Variants in ATP8A1 observed in about 807,000 individuals in gnomAD.
The protein encoded by ATP8A1 is ATPase phospholipid transporting 8A1.
In ATP8A1, 90 loss-of-function variants were observed where a neutral mutation model predicts 177.7. That is an observed-to-expected ratio of 0.51 (90% CI 0.43 to 0.60). The LOEUF is 0.60. ATP8A1 is among the 20% of genes least tolerant of loss of function. The pLI is 0.00. For synonymous variants in ATP8A1, 493 were observed against 485.9 expected (o/e 1.01, Z -0.19); for missense variants, 1,072 against 1,392.8 (o/e 0.77, Z 3.67).
intron 12 of ATP8A1, among the ~76,000 whole-genome samples, chr4:42,577,128 C>T (rs1311544992): frequency 6.6e-6 from 1 of 152,106 alleles, no homozygotes; most frequent in Non-Finnish European, 1.5e-5. Flanking sequence ...CTGGGTTCAT[C>T]CAATACTAAA....
intron 20 of ATP8A1, among the ~76,000 whole-genome samples, chr4:42,535,377 T>C (rs1410776946): frequency 6.6e-6 from 1 of 152,160 alleles, no homozygotes; most frequent in Non-Finnish European, 1.5e-5. Context: ...AGGGACATTA[T>C]ATAATGACAA....
In ATP8A1 at chr4:42,656,918, T is replaced by C. The variant is rs1407259325; in HGVS notation, c.-45A>G. The C allele has an allele frequency of 2.0e-6, 3 of 1,499,644 alleles. No individual in the cohort carries two copies. The highest frequency in any genetic ancestry group is 2.7e-6 in the Non-Finnish European group (3 of 1,115,026). 92.9% of individuals were successfully genotyped at this position (1,499,644 alleles called of 1,614,324 possible). Reference sequence around the variant, plus strand: ...GGGTCCTCAGCCCGGACTCTGCACCTGTCACGGCGTGGTACACGCGGGAGA... The same window carrying C: ...GGGTCCTCAGCCCGGACTCTGCACCCGTCACGGCGTGGTACACGCGGGAGA... On this transcript the variant is annotated 5_prime_UTR_variant, in exon 1 of 37. Transcript: ENST00000381668.
intron 33 of ATP8A1, among the ~76,000 whole-genome samples, chr4:42,426,430 C>G (rs1479287203): frequency 6.6e-6 from 1 of 152,222 alleles, no homozygotes; most frequent in Non-Finnish European, 1.5e-5. Flanking sequence ...CTTTGCAGAA[C>G]TCTAAGACTG....
chr4:42,586,326 T>C, intron 9 of ATP8A1, 23 bp downstream of exon 9: 2 of 1,612,500 alleles, frequency 1.2e-6, no homozygotes. Context: ...TTCTGTGTTT[T>C]TATAAAGACG....
chr4:42,633,322 T>C (rs780360065), intron 1 of ATP8A1, among the ~76,000 whole-genome samples: 20 of 152,232 alleles, frequency 1.3e-4, no homozygotes, highest in Non-Finnish European at 2.6e-4. Context: ...ATAGTATAAG[T>C]GAAAGGCTTC....
chr4:42,578,728 T>C (rs933656988), intron 11 of ATP8A1, among the ~76,000 whole-genome samples: 82 of 152,170 alleles, frequency 5.4e-4, no homozygotes, highest in African/African-American at 1.7e-3. Flanking sequence ...GAATCACTTT[T>C]ATATAAATTC....
chr4:42,589,150 C>T (rs1733914189), intron 7 of ATP8A1, among the ~76,000 whole-genome samples: 1 of 152,152 alleles, frequency 6.6e-6, no homozygotes, highest in African/African-American at 2.4e-5. Context: ...TCTTATCTTT[C>T]CCTTTCACAT....
chr4:42,529,846 G>A (rs1347255338), intron 20 of ATP8A1, among the ~76,000 whole-genome samples: 1 of 152,244 alleles, frequency 6.6e-6, no homozygotes, highest in Non-Finnish European at 1.5e-5. Flanking sequence ...TGCATGGAAA[G>A]AGAAATGGCC....
chr4:42,539,583 TG>T (rs1728185152), intron 20 of ATP8A1, among the ~76,000 whole-genome samples: 1 of 151,888 alleles, frequency 6.6e-6, no homozygotes, highest in Admixed American at 6.6e-5. Context: ...CCAAACAACA[TG>T]GTATTGGTAC....
intron 1 of ATP8A1, among the ~76,000 whole-genome samples, chr4:42,643,204 C>T (rs1292829118): frequency 1.3e-5 from 2 of 151,842 alleles, no homozygotes; most frequent in African/African-American, 2.4e-5. Context: ...ATGGGGAACA[C>T]GTATTACACT....
intron 1 of ATP8A1, among the ~76,000 whole-genome samples, chr4:42,646,378 T>C (rs1362405121): frequency 6.6e-6 from 1 of 152,154 alleles, no homozygotes; most frequent in Non-Finnish European, 1.5e-5. Context: ...GCTCTTCAAA[T>C]GTTGACGTTA....
At chr4:42,470,108 A>G (rs1720227644) in intron 25 of ATP8A1, among the ~76,000 whole-genome samples, 1 of 152,220 alleles carries the variant, frequency 6.6e-6, no homozygotes, top group African/African-American at 2.4e-5. Context: ...TCTTTGGTAG[A>G]AGAGACTCCA....
In ATP8A1 at chr4:42,549,031, T is replaced by C. The variant is rs34999127; in HGVS notation, c.1634A>G (p.Asn545Ser). 4.4e-3 allele frequency: 7,118 copies of C among 1,611,974 alleles called. 23 individuals carry two copies. Among genetic ancestry groups the C allele is most frequent in the Non-Finnish European group, 5.3e-3 (6,249 of 1,178,618 alleles). ...GTTTTACCTGGTAAACTCCAAGACA[T>C]TGAGCAATTCATATCTTTCTTCCTG... ...LGQEERYELL[N>S]VLEFTSARKR... The change falls in exon 19 of 37, where the codon AAT becomes AGT. Residue 545 changes from asparagine to serine, a missense_variant. Physicochemically the swap from Asn to Ser is conservative, Grantham distance 46. Coordinates refer to ENST00000381668, the MANE Select transcript of ATP8A1 (RefSeq NM_006095.2).
At chr4:42,438,059 G>A (rs1716189907) in intron 33 of ATP8A1, among the ~76,000 whole-genome samples, 1 of 152,120 alleles carries the variant, frequency 6.6e-6, no homozygotes, top group Non-Finnish European at 1.5e-5. Context: ...ATGCTAGAAG[G>A]GCATTAAATT....
chr4:42,454,437 G>A (rs2153179085), intron 29 of ATP8A1, among the ~76,000 whole-genome samples: 1 of 152,236 alleles, frequency 6.6e-6, no homozygotes, highest in East Asian at 1.9e-4. Flanking sequence ...TAATAAACAT[G>A]CACTATATTA....
At chr4:42,562,264 C>T (rs1730910711) in intron 15 of ATP8A1, 1 of 152,432 alleles carries the variant, frequency 6.6e-6, no homozygotes, top group African/African-American at 2.4e-5. Context: ...CGGCAGCAGG[C>T]AGAGATCCAT....
At chr4:42,631,675 G>A (rs1414630419) in intron 1 of ATP8A1, among the ~76,000 whole-genome samples, 1 of 152,168 alleles carries the variant, frequency 6.6e-6, no homozygotes, top group Non-Finnish European at 1.5e-5. Flanking sequence ...TGCTGATAAT[G>A]TTTAACCCCA....
intron 22 of ATP8A1, among the ~76,000 whole-genome samples, chr4:42,518,315 C>CA (rs35587096): frequency 9.2e-5 from 14 of 152,136 alleles, no homozygotes; most frequent in African/African-American, 2.9e-4. Flanking sequence ...AATGACATAT[C>CA]AATTCAAATA....
intron 20 of ATP8A1, among the ~76,000 whole-genome samples, chr4:42,526,356 A>C (rs1160454303): frequency 6.6e-6 from 1 of 152,174 alleles, no homozygotes; most frequent in Non-Finnish European, 1.5e-5. Context: ...GTTAATACTG[A>C]GTGTCAACTT....
Sources: allele counts gnomAD v4.1 joint callset (sites outside exome capture counted in the v4.1 genomes callset), GRCh38; gene constraint gnomAD v4.1.1; transcripts MANE v1.5; gene names NCBI Gene and HGNC (gene_info 2026-07-23, HGNC 2026-07-21).